Variants in SNTG1 observed in about 807,000 individuals in gnomAD.
SNTG1 encodes syntrophin gamma 1, also known as gamma-1-syntrophin.
SNTG1 carries 39 observed loss-of-function variants against 74.7 expected under a neutral mutation model. The ratio of observed to expected loss-of-function variants is 0.52; its 90% CI spans 0.40 to 0.68. The LOEUF is 0.68. Among genes scored for constraint, SNTG1 ranks in the 30% least tolerant of loss-of-function variants. The probability of loss-of-function intolerance (pLI) is 0.00; values close to 1 mark genes in which losing one functional copy is unlikely to be tolerated. For missense variants in SNTG1, 685 were observed against 609.5 expected, an observed-to-expected ratio of 1.12 and a Z score of -1.30; for synonymous variants, 254 against 217.1, an observed-to-expected ratio of 1.17 and a Z score of -1.49.
At chr8:50,252,789 C>T (rs932801692) in intron 2 of SNTG1, among the ~76,000 whole-genome samples, 1 of 152,156 alleles carries the variant, frequency 6.6e-6, no homozygotes, top group African/African-American at 2.4e-5. Context: ...ACTCAAACAC[C>T]TCCCACCAGG....
intron 8 of SNTG1, among the ~76,000 whole-genome samples, chr8:50,456,063 G>A (rs762435732): frequency 1.5e-4 from 23 of 152,152 alleles, no homozygotes; most frequent in Non-Finnish European, 2.6e-4. Context: ...CACTATGTCT[G>A]CTTTTGAAAA....
At chr8:50,672,341 C>T (rs541720915) in intron 15 of SNTG1, among the ~76,000 whole-genome samples, 1 of 152,190 alleles carries the variant, frequency 6.6e-6, no homozygotes, top group Admixed American at 6.5e-5. Flanking sequence ...GTCTCTCCAC[C>T]ATCTATTGTT....
chr8:50,167,065 T>G (rs1002812983), intron 1 of SNTG1, among the ~76,000 whole-genome samples: 1 of 130,120 alleles, frequency 7.7e-6, no homozygotes, highest in Non-Finnish European at 1.5e-5. Context: ...AGGTGGGAAT[T>G]GAACAATGCG....
At chr8:50,392,059 C>CT (rs2131299339) in intron 2 of SNTG1, among the ~76,000 whole-genome samples, 1 of 152,214 alleles carries the variant, frequency 6.6e-6, no homozygotes, top group South Asian at 2.1e-4. Context: ...AATCCTAGAA[C>CT]TGAAAACAGA....
chr8:50,513,368 C>A (rs2094102261), intron 9 of SNTG1, among the ~76,000 whole-genome samples: 1 of 152,206 alleles, frequency 6.6e-6, no homozygotes, highest in Admixed American at 6.5e-5. Context: ...AGGACAGGGA[C>A]CCACTTGAGG....
intron 12 of SNTG1, among the ~76,000 whole-genome samples, chr8:50,584,384 A>T (rs541309316): frequency 2.0e-5 from 3 of 152,244 alleles, no homozygotes; most frequent in African/African-American, 7.2e-5. Context: ...TCCCACCAAC[A>T]GCGTAAAAGT....
At chr8:50,103,439 A>G (rs1420001940) in intron 1 of SNTG1, among the ~76,000 whole-genome samples, 1 of 152,196 alleles carries the variant, frequency 6.6e-6, no homozygotes, top group Non-Finnish European at 1.5e-5. Flanking sequence ...GAAGTTGCTT[A>G]TCAGCTTAAG....
At chr8:50,270,230 AT>A (rs1218304912) in intron 2 of SNTG1, among the ~76,000 whole-genome samples, 4 of 152,104 alleles carry the variant, frequency 2.6e-5, no homozygotes, top group Non-Finnish European at 5.9e-5. Context: ...TAAGAATTTT[AT>A]TTTTGTCCTA....
At chr8:50,008,783 A>G (rs886396839) in intron 1 of SNTG1, among the ~76,000 whole-genome samples, 6 of 152,214 alleles carry the variant, frequency 3.9e-5, no homozygotes, top group African/African-American at 1.2e-4. Context: ...GAACAAGTAA[A>G]TTAGATTCCT....
chr8:50,076,255 T>G (rs1300665657), intron 1 of SNTG1, among the ~76,000 whole-genome samples: 1 of 152,072 alleles, frequency 6.6e-6, no homozygotes, highest in Non-Finnish European at 1.5e-5. Flanking sequence ...GTCATACATC[T>G]GGCAAGGATT....
intron 15 of SNTG1, among the ~76,000 whole-genome samples, chr8:50,703,387 AG>A (rs1214336718): frequency 6.6e-6 from 1 of 152,180 alleles, no homozygotes; most frequent in Non-Finnish European, 1.5e-5. Context: ...GCATATAGTC[AG>A]GATGAGTTCC....
chr8:50,419,718 A>C (rs2093057574), intron 4 of SNTG1, among the ~76,000 whole-genome samples: 1 of 152,192 alleles, frequency 6.6e-6, no homozygotes, highest in African/African-American at 2.4e-5. Flanking sequence ...CAGATATCAA[A>C]TCTGAAATGA....
intron 1 of SNTG1, among the ~76,000 whole-genome samples, chr8:49,935,723 C>T (rs1808024826): frequency 6.6e-6 from 1 of 152,126 alleles, no homozygotes; most frequent in Non-Finnish European, 1.5e-5. Flanking sequence ...CACCAGCCTG[C>T]AGCTCTGGCC....
intron 2 of SNTG1, among the ~76,000 whole-genome samples, chr8:50,331,706 G>T (rs1335709007): frequency 6.6e-6 from 1 of 152,138 alleles, no homozygotes; most frequent in Non-Finnish European, 1.5e-5. Flanking sequence ...CATGGTGCTT[G>T]CTGGTATAGA....
intron 2 of SNTG1, among the ~76,000 whole-genome samples, chr8:50,205,617 G>T (rs1246300764): frequency 1.3e-5 from 2 of 152,136 alleles, no homozygotes; most frequent in Non-Finnish European, 2.9e-5. Flanking sequence ...ATTGCTTTTG[G>T]TGTTTTAGTC....
chr8:50,129,755 C>T (rs1446409526), intron 1 of SNTG1, among the ~76,000 whole-genome samples: 1 of 152,112 alleles, frequency 6.6e-6, no homozygotes. Flanking sequence ...AAAAAGCCTT[C>T]TGTTTTCAAA....
intron 1 of SNTG1, among the ~76,000 whole-genome samples, chr8:49,923,555 C>T (rs755158903): frequency 2.0e-5 from 3 of 152,096 alleles, no homozygotes; most frequent in Admixed American, 2.0e-4. Context: ...AGCCTTTTCA[C>T]GTTTATAAAG....
At chr8:50,179,077 T>C (rs1454666521) in intron 2 of SNTG1, among the ~76,000 whole-genome samples, 1 of 152,198 alleles carries the variant, frequency 6.6e-6, no homozygotes, top group African/African-American at 2.4e-5. Context: ...CCTAATGTCA[T>C]TGTGTCTTCT....
intron 2 of SNTG1, among the ~76,000 whole-genome samples, chr8:50,215,169 A>G (rs1220645544): frequency 6.6e-6 from 1 of 152,016 alleles, no homozygotes; most frequent in East Asian, 1.9e-4. Flanking sequence ...CTTTAATTAC[A>G]ATCGAGTGGA....
Sources: allele counts gnomAD v4.1 joint callset (sites outside exome capture counted in the v4.1 genomes callset), GRCh38; gene constraint gnomAD v4.1.1; transcripts MANE v1.5; gene names NCBI Gene and HGNC (gene_info 2026-07-23, HGNC 2026-07-21).